The following ZNF420 variants were observed in gnomAD, a reference collection of about 807,000 sequenced individuals.
ZNF420 encodes zinc finger protein 420, also known as ATM and p53-associated KZNF protein.
A neutral mutation model predicts 44.7 loss-of-function variants in ZNF420; 31 were observed. The ratio of observed to expected loss-of-function variants is 0.69; its 90% CI spans 0.52 to 0.94. The LOEUF (loss-of-function observed/expected upper bound fraction) is 0.94, where lower values mean the gene tolerates loss of function less well. ZNF420 is among the 40% of genes least tolerant of loss of function. The pLI, the probability that ZNF420 is intolerant of heterozygous loss-of-function variation, is 0.00. For synonymous variants in ZNF420, 245 were observed against 267.4 expected (o/e 0.92, Z 0.82); for missense variants, 681 against 827.9 (o/e 0.82, Z 2.18).
At chr19:37,013,336 G>A (rs2146371164) in intron 1 of ZNF420, among the ~76,000 whole-genome samples, 1 of 152,310 alleles carries the variant, frequency 6.6e-6, no homozygotes, top group South Asian at 2.1e-4. Context: ...CATGCTCGTG[G>A]CGTGTGCAGG....
intron 1 of ZNF420, among the ~76,000 whole-genome samples, chr19:37,031,743 C>T (rs1967261643): frequency 6.6e-6 from 1 of 151,994 alleles, no homozygotes; most frequent in African/African-American, 2.4e-5. Flanking sequence ...AACTCCTGAC[C>T]CCAAAACCTG....
At chr19:37,095,761 G>A (rs1010310713) in intron 4 of ZNF420, among the ~76,000 whole-genome samples, 7 of 152,036 alleles carry the variant, frequency 4.6e-5, no homozygotes, top group African/African-American at 7.2e-5. Flanking sequence ...GCCAAGCCCA[G>A]CTTATTTTTT....
chr19:37,113,013 A>G (rs1192503196), intron 4 of ZNF420, among the ~76,000 whole-genome samples: 1 of 152,136 alleles, frequency 6.6e-6, no homozygotes, highest in African/African-American at 2.4e-5. Flanking sequence ...TAACTGGCCC[A>G]TTCCCTGAAG....
At chr19:37,102,029 C>T (rs748922334) in intron 4 of ZNF420, among the ~76,000 whole-genome samples, 1 of 152,096 alleles carries the variant, frequency 6.6e-6, no homozygotes, top group African/African-American at 2.4e-5. Context: ...TGGGCCCTCT[C>T]GGGATCTGCT....
intron 1 of ZNF420, among the ~76,000 whole-genome samples, chr19:37,023,147 G>GAAA (rs112331823): frequency 6.8e-6 from 1 of 147,566 alleles, no homozygotes; most frequent in Non-Finnish European, 1.5e-5. Context: ...CAAAGAAAAA[G>GAAA]AAAAAAAAAA....
At chr19:37,009,533 T>C (rs777814967) in intron 1 of ZNF420, among the ~76,000 whole-genome samples, 29 of 152,090 alleles carry the variant, frequency 1.9e-4, no homozygotes, top group Non-Finnish European at 3.7e-4. Context: ...CCACGTTTGG[T>C]CACATTGGCT....
At chr19:37,124,846 G>GTT (rs200686040) in intron 4 of ZNF420, among the ~76,000 whole-genome samples, 2 of 150,068 alleles carry the variant, frequency 1.3e-5, no homozygotes, top group African/African-American at 4.9e-5. Context: ...TTTGTATTTT[G>GTT]TTTTTTTTGA....
intron 1 of ZNF420, among the ~76,000 whole-genome samples, chr19:37,056,761 C>T (rs989530699): frequency 1.3e-5 from 2 of 152,352 alleles, no homozygotes; most frequent in East Asian, 1.9e-4. Context: ...CCCGAGCAGG[C>T]GCCCTGAAGC....
intron 2 of ZNF420, among the ~76,000 whole-genome samples, chr19:37,085,936 TTTA>T (rs34624393): frequency 0.28 from 38,015 of 137,104 alleles, 5,351 homozygotes; most frequent in African/African-American, 0.31. Context: ...TGGCTGATGT[TTTA>T]TTATTATTAT....
chr19:37,104,670 T>C (rs908764771), intron 4 of ZNF420, among the ~76,000 whole-genome samples: 2 of 152,222 alleles, frequency 1.3e-5, no homozygotes, highest in African/African-American at 2.4e-5. Flanking sequence ...TTTTTAATGA[T>C]TGCCATTCTA....
chr19:37,052,089 T>C (rs568131341), intron 1 of ZNF420, among the ~76,000 whole-genome samples: 261 of 152,306 alleles, frequency 1.7e-3, no homozygotes, highest in African/African-American at 6.0e-3. Context: ...GCTCTTCTTG[T>C]TGAATTGATC....
intron 1 of ZNF420, among the ~76,000 whole-genome samples, chr19:37,010,509 G>A (rs1052069087): frequency 1.3e-5 from 2 of 152,218 alleles, no homozygotes; most frequent in South Asian, 4.1e-4. Context: ...ATGTCTGTGT[G>A]TGTGTGTCTC....
chr19:37,076,063 A>T (rs550609798), upstream of ZNF420, among the ~76,000 whole-genome samples: 38 of 152,124 alleles, frequency 2.5e-4, no homozygotes, highest in South Asian at 2.5e-3. Context: ...TACTTTTTTT[A>T]AAAAAATCAC....
intron 1 of ZNF420, among the ~76,000 whole-genome samples, chr19:37,021,197 A>G (rs1213998441): frequency 6.6e-6 from 1 of 152,258 alleles, no homozygotes; most frequent in East Asian, 1.9e-4. Context: ...CAACTCTATT[A>G]TAATAGGAAG....
At chr19:37,101,970 A>C (rs1487654784) in intron 4 of ZNF420, among the ~76,000 whole-genome samples, 1 of 152,176 alleles carries the variant, frequency 6.6e-6, no homozygotes, top group Non-Finnish European at 1.5e-5. Context: ...ATGTCTCTGC[A>C]CAGATGGGGT....
In ZNF420 at chr19:37,089,896, TATAAA is replaced by T. The variant is rs1429374531; in HGVS notation, c.9+773_9+777del. ...CATTATATGGAGCTATTCTGTAGCC[TATAAA>T]ATATTTACTAAATTATTGATGACAA... On this transcript the variant is annotated intron_variant, in intron 3 of 4. Coordinates refer to ENST00000337995, the MANE Select transcript of ZNF420 (RefSeq NM_144689.5). Among the ~76,000 whole-genome samples the T allele has an allele frequency of 1.1e-4, 16 of 152,336 alleles. No homozygotes were observed. The East Asian group carries it at 3.1e-3, about 29-fold the overall frequency.
intron 4 of ZNF420, 25 bp downstream of exon 4, chr19:37,091,146 C>A: frequency 1.3e-6 from 2 of 1,522,406 alleles, no homozygotes; most frequent in Non-Finnish European, 1.8e-6. Context: ...CTTCATATTT[C>A]AGGATCTACC....
chr19:37,011,549 A>G (rs2074569120), intron 1 of ZNF420, among the ~76,000 whole-genome samples: 1 of 151,942 alleles, frequency 6.6e-6, no homozygotes, highest in Non-Finnish European at 1.5e-5. Context: ...TAGGCATTGG[A>G]GAGGTGGGGG....
intron 1 of ZNF420, among the ~76,000 whole-genome samples, chr19:37,056,828 G>GTGCGGCCCTGGGGTGCC (rs1380161677): frequency 3.5e-4 from 53 of 152,362 alleles, no homozygotes; most frequent in African/African-American, 1.2e-3. Context: ...GACTCCGGGA[G>GTGCGGCCCTGGGGTGCC]TGCGGCCCTG....
Sources: allele counts gnomAD v4.1 joint callset (sites outside exome capture counted in the v4.1 genomes callset), GRCh38; gene constraint gnomAD v4.1.1; transcripts MANE v1.5; gene names NCBI Gene and HGNC (gene_info 2026-07-23, HGNC 2026-07-21).